Variants in TIAM1 observed in about 807,000 individuals in gnomAD.
TIAM1 encodes rho guanine nucleotide exchange factor TIAM1.
TIAM1 carries 65 observed loss-of-function variants against 163.5 expected under a neutral mutation model. The ratio of observed to expected loss-of-function variants is 0.40; its 90% CI spans 0.33 to 0.49. TIAM1 has a LOEUF of 0.49. Among genes scored for constraint, TIAM1 ranks in the 20% least tolerant of loss-of-function variants. The pLI is 0.77. For missense variants in TIAM1, 1,789 were observed against 2,044.7 expected (o/e 0.87, Z 2.41); for synonymous variants, 833 against 810.1 (o/e 1.03, Z -0.48).
In TIAM1 at chr21:31,502,021, C is replaced by A. The variant is rs573356156; in HGVS notation, c.-421-37986G>T. Among the ~76,000 whole-genome samples, 10 of 152,334 alleles carry A rather than the reference C, an allele frequency of 6.6e-5. 1 individual carries two copies. In the East Asian group the frequency reaches 1.2e-3, roughly 18 times the overall value. On this transcript the variant is annotated intron_variant, in intron 1 of 28. Transcript: ENST00000286827. ...TAATCAGGGTAAGACTAAGAGCAGG[C>A]ACTGCCTTGTCCATCCTATTTATTC... is the stretch of plus-strand genomic sequence containing the variant.
chr21:31,393,523 T>C (rs2077002525), intron 2 of TIAM1, among the ~76,000 whole-genome samples: 1 of 152,124 alleles, frequency 6.6e-6, no homozygotes, highest in East Asian at 1.9e-4. Flanking sequence ...CATCGAGCCT[T>C]ATAAAACCTG....
intron 6 of TIAM1, among the ~76,000 whole-genome samples, chr21:31,238,832 G>A (rs971844612): frequency 2.6e-5 from 4 of 152,168 alleles, no homozygotes; most frequent in Admixed American, 1.3e-4. Context: ...GAGAAACATA[G>A]GCTTGATTTG....
chr21:31,254,861 G>A (rs1330596083), intron 4 of TIAM1, among the ~76,000 whole-genome samples: 1 of 152,206 alleles, frequency 6.6e-6, no homozygotes, highest in Non-Finnish European at 1.5e-5. Flanking sequence ...GATGGGAAGA[G>A]AGAATAAGGA....
At chr21:31,368,064 G>T (rs139074768) in intron 2 of TIAM1, among the ~76,000 whole-genome samples, 3 of 152,182 alleles carry the variant, frequency 2.0e-5, no homozygotes, top group East Asian at 3.9e-4. Flanking sequence ...CACTTTCAAA[G>T]AATTCATTTT....
chr21:31,489,193 C>A (rs1039904497), intron 1 of TIAM1, among the ~76,000 whole-genome samples: 20 of 150,920 alleles, frequency 1.3e-4, no homozygotes, highest in Non-Finnish European at 2.4e-4. Flanking sequence ...AACATAGAGA[C>A]CTTATCTCTA....
At chr21:31,155,324 C>T (rs2083565185) in intron 16 of TIAM1, among the ~76,000 whole-genome samples, 1 of 152,206 alleles carries the variant, frequency 6.6e-6, no homozygotes, top group African/African-American at 2.4e-5. Flanking sequence ...GCTTTTCAAC[C>T]TCCCGATGCC....
chr21:31,133,216 A>T (rs2082486609), intron 23 of TIAM1, among the ~76,000 whole-genome samples: 1 of 152,226 alleles, frequency 6.6e-6, no homozygotes, highest in African/African-American at 2.4e-5. Flanking sequence ...CTGGGAATCC[A>T]CAGAAGCTCA....
chr21:31,424,356 C>T (rs183683917), intron 2 of TIAM1, among the ~76,000 whole-genome samples: 11 of 152,250 alleles, frequency 7.2e-5, no homozygotes, highest in Admixed American at 2.6e-4. Flanking sequence ...CAGCTATTCA[C>T]AGAAGAAAAA....
chr21:31,487,336 T>C (rs1324985395), intron 1 of TIAM1, among the ~76,000 whole-genome samples: 4 of 152,200 alleles, frequency 2.6e-5, no homozygotes, highest in Non-Finnish European at 5.9e-5. Flanking sequence ...ACTTATGACA[T>C]CCAGTTTTCC....
intron 2 of TIAM1, among the ~76,000 whole-genome samples, chr21:31,288,225 C>G (rs1034014008): frequency 2.6e-5 from 4 of 152,126 alleles, no homozygotes; most frequent in Non-Finnish European, 5.9e-5. Context: ...CCCACTAGAA[C>G]AGCAATACAG....
At chr21:31,214,183 T>C (rs370666877) in intron 9 of TIAM1, among the ~76,000 whole-genome samples, 10 of 151,652 alleles carry the variant, frequency 6.6e-5, no homozygotes, top group East Asian at 3.9e-4. Flanking sequence ...AAATTAGCCA[T>C]GCATAGTGGC....
intron 4 of TIAM1, among the ~76,000 whole-genome samples, chr21:31,256,870 G>A (rs1273677307): frequency 6.6e-6 from 1 of 152,146 alleles, no homozygotes; most frequent in Admixed American, 6.5e-5. Context: ...CATAGTACCT[G>A]CTCAAAAATG....
chr21:31,535,276 G>A (rs528919187), intron 1 of TIAM1, among the ~76,000 whole-genome samples: 15 of 148,958 alleles, frequency 1.0e-4, no homozygotes, highest in African/African-American at 3.2e-4. Context: ...AGCTGCTCAG[G>A]AGGCTGAGGC....
chr21:31,407,763 G>C (rs1380164243), intron 2 of TIAM1, among the ~76,000 whole-genome samples: 1 of 150,760 alleles, frequency 6.6e-6, no homozygotes, highest in African/African-American at 2.4e-5. Context: ...AGCCTCCAGA[G>C]TAGCTGATAT....
At chr21:31,184,558 T>A (rs983222773) in intron 14 of TIAM1, among the ~76,000 whole-genome samples, 2 of 152,124 alleles carry the variant, frequency 1.3e-5, no homozygotes, top group Non-Finnish European at 1.5e-5. Context: ...TGACCGTTCA[T>A]CTTCATTTAA....
At chr21:31,164,437 CAA>C (rs1202648210) in intron 16 of TIAM1, among the ~76,000 whole-genome samples, 1 of 151,186 alleles carries the variant, frequency 6.6e-6, no homozygotes, top group Non-Finnish European at 1.5e-5. Flanking sequence ...TGTCTTGCAC[CAA>C]AAAGTCAGGA....
chr21:31,393,996 A>G (rs1390469578), intron 2 of TIAM1, among the ~76,000 whole-genome samples: 1 of 152,226 alleles, frequency 6.6e-6, no homozygotes, highest in East Asian at 1.9e-4. Flanking sequence ...TTTCATTTAT[A>G]TATTATGTGA....
chr21:31,166,129 T>C (rs2084203077), intron 15 of TIAM1, among the ~76,000 whole-genome samples: 1 of 152,194 alleles, frequency 6.6e-6, no homozygotes, highest in Non-Finnish European at 1.5e-5. Context: ...GACTGTGTGT[T>C]CCTTACTAGC....
At chr21:31,233,275 A>G (rs1259921660) in intron 6 of TIAM1, among the ~76,000 whole-genome samples, 1 of 152,226 alleles carries the variant, frequency 6.6e-6, no homozygotes, top group African/African-American at 2.4e-5. Context: ...AAAAAAAAAG[A>G]AAGTTACCAT....
Sources: allele counts gnomAD v4.1 joint callset (sites outside exome capture counted in the v4.1 genomes callset), GRCh38; gene constraint gnomAD v4.1.1; transcripts MANE v1.5; gene names NCBI Gene and HGNC (gene_info 2026-07-23, HGNC 2026-07-21).